Variants in CSF1R observed in about 807,000 individuals in gnomAD.
CSF1R encodes colony stimulating factor 1 receptor, also known as macrophage colony-stimulating factor 1 receptor.
CSF1R carries 40 observed loss-of-function variants against 110.0 expected under a neutral mutation model. That is an observed-to-expected ratio of 0.36 (90% confidence interval 0.28 to 0.47). The LOEUF (loss-of-function observed/expected upper bound fraction) is 0.47, where lower values mean the gene tolerates loss of function less well. Ranked by LOEUF, CSF1R falls within the 20% of genes least tolerant of loss-of-function variation. CSF1R has a pLI of 0.99. For synonymous variants in CSF1R, 523 were observed against 503.4 expected (o/e 1.04, Z -0.52); for missense variants, 1,052 against 1,253.0 (o/e 0.84, Z 2.42).
At chr5:150,054,743 T>G in intron 19 of CSF1R, 1 of 308,182 alleles carries the variant, frequency 3.2e-6, no homozygotes, top group African/African-American at 2.2e-5. Context: ...TCCCAACACT[T>G]TGGGAGGTTG....
At chr5:150,084,394 G>GAAAGAAAGAAAGAAAGAAA (rs1561945918) in intron 1 of CSF1R, among the ~76,000 whole-genome samples, 92 of 22,832 alleles carry the variant, frequency 4.0e-3, no homozygotes, top group East Asian at 9.2e-3. Context: ...AAAGAAAGAA[G>GAAAGAAAGAAAGAAAGAAA]GAAGGAAGGA....
intron 12 of CSF1R, 48 bp downstream of exon 12, chr5:150,061,433 GCCCACCCCCA>G: frequency 9.9e-7 from 1 of 1,009,616 alleles, no homozygotes; most frequent in African/African-American, 1.7e-5. Context: ...ACCAGGGCCA[GCCCACCCCCA>G]GCATCTACCA....
intron 1 of CSF1R, among the ~76,000 whole-genome samples, chr5:150,096,419 A>G (rs1759224628): frequency 1.3e-5 from 2 of 152,166 alleles, no homozygotes; most frequent in Non-Finnish European, 2.9e-5. Flanking sequence ...AAGAGAGAAT[A>G]CCAATTCTAC....
At chr5:150,083,595 G>C (rs1212307911) in intron 1 of CSF1R, among the ~76,000 whole-genome samples, 2 of 151,620 alleles carry the variant, frequency 1.3e-5, no homozygotes, top group African/African-American at 4.9e-5. Context: ...CTTTCTCTTG[G>C]GACTGGACCC....
At chr5:150,073,599 A>C in intron 5 of CSF1R, 106 bp from the exon 6 acceptor site, 18 of 1,148,392 alleles carry the variant, frequency 1.6e-5, no homozygotes, top group Non-Finnish European at 2.0e-5. Flanking sequence ...CAGCTATGTC[A>C]CAGGTACATA....
chr5:150,054,196 C>T lies in CSF1R; in HGVS notation c.2792G>A (p.Arg931Lys), dbSNP rs1220384597. The T allele has an allele frequency of 1.2e-6, 2 of 1,611,746 alleles. No individual in the cohort carries two copies. Among genetic ancestry groups the T allele is most frequent in the Admixed American group, 3.3e-5 (2 of 59,784 alleles). Residue 931 changes from arginine (R) to lysine (K), a missense_variant, in exon 21 of 21, where the codon AGA (arginine) becomes AAA (lysine). Around this residue, in one of 5 missense-constraint regions of CSF1R, gnomAD observed 85 missense variants for 78.8 expected, o/e 1.08. Transcript: ENST00000675795. ...GCTGCTGCTGCCGCTGCCACCGCTT[C>T]TGCTGCTGCTCGGCAGATTGGTATA... ...RDYTNLPSSSRSGGSGSSSSE... is the reference protein window; with the variant it reads ...RDYTNLPSSSKSGGSGSSSSE...
At chr5:150,085,001 G>A (rs569283830) in intron 1 of CSF1R, among the ~76,000 whole-genome samples, 20 of 152,130 alleles carry the variant, frequency 1.3e-4, no homozygotes, top group African/African-American at 3.4e-4. Context: ...AGTCCAGGCC[G>A]GGCGCCGTGA....
At chr5:150,055,933 G>T in intron 18 of CSF1R, 93 bp downstream of exon 18, 1 of 1,152,852 alleles carries the variant, frequency 8.7e-7, no homozygotes, top group Non-Finnish European at 1.2e-6. Context: ...ACCAACCCTC[G>T]CTGTGTCCTG....
intron 1 of CSF1R, among the ~76,000 whole-genome samples, chr5:150,109,058 G>GCCACCC (rs200128753): frequency 8.4e-6 from 1 of 119,736 alleles, no homozygotes; most frequent in Non-Finnish European, 1.9e-5. Flanking sequence ...GGAGAAGCCC[G>GCCACCC]CCCCCCCCCC....
At chr5:150,091,003 T>C (rs950597113), upstream of CSF1R, among the ~76,000 whole-genome samples, 1 of 152,156 alleles carries the variant, frequency 6.6e-6, no homozygotes, top group African/African-American at 2.4e-5. Flanking sequence ...AGGCAAAACA[T>C]TGAATAGATA....
chr5:150,085,277 G>GAAAAAAAAAAAAAAAAAAAAAAAAA (rs70973563), intron 1 of CSF1R, among the ~76,000 whole-genome samples: 1 of 92,464 alleles, frequency 1.1e-5, no homozygotes, highest in Non-Finnish European at 2.0e-5. Context: ...TCTGTCTCAG[G>GAAAAAAAAAAAAAAAAAAAAAAAAA]AAAAAAAAAA....
chr5:150,109,366 G>A (rs1045517722), intron 1 of CSF1R, among the ~76,000 whole-genome samples: 13 of 152,296 alleles, frequency 8.5e-5, no homozygotes, highest in South Asian at 2.1e-4. Flanking sequence ...AGAGCAGGGC[G>A]GTGAGGGAAG....
intron 1 of CSF1R, among the ~76,000 whole-genome samples, chr5:150,108,106 A>G (rs1759607161): frequency 6.6e-6 from 1 of 152,088 alleles, no homozygotes; most frequent in South Asian, 2.1e-4. Flanking sequence ...GAATGTTCCA[A>G]GAAGGAGAAA....
intron 1 of CSF1R, among the ~76,000 whole-genome samples, chr5:150,082,653 C>T (rs1190393050): frequency 6.6e-6 from 1 of 152,234 alleles, no homozygotes; most frequent in African/African-American, 2.4e-5. Flanking sequence ...GGAGTGTGGG[C>T]TCACACCAAC....
chr5:150,108,113 G>A (rs889627945), intron 1 of CSF1R, among the ~76,000 whole-genome samples: 12 of 152,210 alleles, frequency 7.9e-5, no homozygotes, highest in African/African-American at 2.9e-4. Context: ...CCAAGAAGGA[G>A]AAACAGCACA....
intron 10 of CSF1R, among the ~76,000 whole-genome samples, chr5:150,065,512 A>G (rs1312514439): frequency 6.6e-6 from 1 of 151,512 alleles, no homozygotes; most frequent in East Asian, 1.9e-4. Flanking sequence ...CAGAACAAAC[A>G]CTCCCCACAG....
rs766574572 is a variant in CSF1R, at chr5:150,061,796, A to G, written c.1680T>C (p.Ser560=). 72 of 1,614,170 alleles carry G rather than the reference A, an allele frequency of 4.5e-5. No homozygotes were observed. The highest frequency in any genetic ancestry group is 5.9e-5 in the Non-Finnish European group (70 of 1,180,022). The change falls in exon 11 of 21, where the codon AGT becomes AGC. Residue 560 remains serine, a synonymous_variant. Coordinates refer to ENST00000675795, the MANE Select transcript of CSF1R (RefSeq NM_001288705.3). ...WKIIESYEGN[S]YTFIDPTQLP... ...GCTGCGTGGGGTCGATGAAAGTATA[A>G]CTGTTGCCCTCATAGCTCTCGATGA...
At chr5:150,079,432 C>T (rs1023662581) in intron 3 of CSF1R, among the ~76,000 whole-genome samples, 1 of 152,226 alleles carries the variant, frequency 6.6e-6, no homozygotes, top group Non-Finnish European at 1.5e-5. Context: ...CCTGCCATCC[C>T]AGCAGGGTGA....
intron 1 of CSF1R, among the ~76,000 whole-genome samples, chr5:150,109,977 A>T (rs1486389140): frequency 6.6e-6 from 1 of 152,070 alleles, no homozygotes; most frequent in Non-Finnish European, 1.5e-5. Context: ...TTATTCTTTG[A>T]TTCTCCATTT....
Sources: allele counts gnomAD v4.1 joint callset (sites outside exome capture counted in the v4.1 genomes callset), GRCh38; gene constraint gnomAD v4.1.1; regional missense constraint gnomAD v4.1.1; transcripts MANE v1.5; gene names NCBI Gene and HGNC (gene_info 2026-07-23, HGNC 2026-07-21).